The following FILIP1L variants were observed in gnomAD, a reference collection of about 807,000 sequenced individuals.
The protein encoded by FILIP1L is filamin A-interacting protein 1-like.
In FILIP1L, 55 loss-of-function variants were observed where a neutral mutation model predicts 96.6. The observed-to-expected ratio is 0.57, with a 90% CI of 0.46 to 0.71. The LOEUF (loss-of-function observed/expected upper bound fraction) is 0.71. Among genes scored for constraint, FILIP1L ranks in the 30% least tolerant of loss-of-function variants. The pLI is 0.00. For missense variants in FILIP1L, 1,304 were observed against 1,321.2 expected, an observed-to-expected ratio of 0.99 and a Z score of 0.20; for synonymous variants, 467 against 473.9, an observed-to-expected ratio of 0.99 and a Z score of 0.19.
rs114758127 is a variant in FILIP1L, at chr3:100,019,721, T to C, written c.-10-88691A>G. Among the ~76,000 whole-genome samples the C allele has an allele frequency of 4.2e-3, 646 of 152,348 alleles. 4 individuals are homozygous for C. The highest frequency in any genetic ancestry group is 0.014 in the African/African-American group (600 of 41,578). On this transcript the variant is annotated intron_variant, in intron 1 of 5. Coordinates refer to ENST00000477258, the MANE Select transcript of FILIP1L (RefSeq NM_001387850.1). ...ATGAATGTATGCTGATGTATGTTTG[T>C]GTAAGACTGCGATTCACATTCTACA...
At chr3:99,962,579 C>A (rs1708526135) in intron 1 of FILIP1L, among the ~76,000 whole-genome samples, 1 of 152,112 alleles carries the variant, frequency 6.6e-6, no homozygotes, top group Non-Finnish European at 1.5e-5. Context: ...ATTCTTATGA[C>A]TGTGAGAAAC....
chr3:100,071,025 A>C (rs1175037680), intron 1 of FILIP1L, among the ~76,000 whole-genome samples: 1 of 151,814 alleles, frequency 6.6e-6, no homozygotes, highest in African/African-American at 2.4e-5. Flanking sequence ...TATACAGAAA[A>C]AAATAAGCCA....
chr3:99,953,056 T>A (rs918423519), intron 1 of FILIP1L, among the ~76,000 whole-genome samples: 5 of 152,192 alleles, frequency 3.3e-5, no homozygotes, highest in African/African-American at 4.8e-5. Flanking sequence ...AGAACTTTTT[T>A]AAAAATTGTC....
intron 1 of FILIP1L, among the ~76,000 whole-genome samples, chr3:100,083,660 T>C (rs1576035876): frequency 6.6e-6 from 1 of 152,358 alleles, no homozygotes; most frequent in African/African-American, 2.4e-5. Flanking sequence ...TGTCATATTT[T>C]TTAAAGTGTT....
chr3:99,851,064 C>G lies in FILIP1L; in HGVS notation c.612G>C (p.Lys204Asn). ...ACTTGATTTCTTGATCAATTAGCTT[C>G]TTTAATCTGAAAAATGTAAAGTGCA... ...CLLEQECERL[K>N]KLIDQEIKSQ... The change falls in exon 5 of 6, where the codon AAG (lysine) becomes AAC (asparagine). Residue 204 changes from lysine (K) to asparagine (N), a missense_variant. Physicochemically the swap from Lys to Asn is moderately conservative, Grantham distance 94. Transcript: ENST00000477258. 1 of 1,577,098 alleles carries G rather than the reference C, an allele frequency of 6.3e-7. No homozygotes were observed. Among genetic ancestry groups the G allele is most frequent in the Non-Finnish European group, 8.6e-7 (1 of 1,168,032 alleles).
At chr3:100,011,293 G>A (rs763874380) in intron 1 of FILIP1L, among the ~76,000 whole-genome samples, 4 of 152,118 alleles carry the variant, frequency 2.6e-5, no homozygotes, top group East Asian at 1.9e-4. Context: ...AACTCGACAC[G>A]TGTTGATCTA....
intron 1 of FILIP1L, among the ~76,000 whole-genome samples, chr3:99,965,722 G>A (rs1708629635): frequency 6.6e-6 from 1 of 152,132 alleles, no homozygotes; most frequent in Admixed American, 6.5e-5. Context: ...GGCTTATTGG[G>A]GATTAAGGCC....
At chr3:100,054,370 G>A (rs4626129) in intron 1 of FILIP1L, among the ~76,000 whole-genome samples, 3 of 152,156 alleles carry the variant, frequency 2.0e-5, no homozygotes, top group Non-Finnish European at 4.4e-5. Flanking sequence ...GGAAAACCTA[G>A]GCCTACATTC....
At position 99,938,074 on chromosome 3, in the gene FILIP1L, T is replaced by TGC. The variant is rs57534383; in HGVS notation, c.-10-7046_-10-7045dup. On this transcript the variant is annotated intron_variant, in intron 1 of 5. Transcript: ENST00000477258. ...AAGTGTGTGTGTGTGTGTGTGTGTG[T>TGC]GCGCGCGCGCGCGCGCGTGCATGCA... Among the ~76,000 whole-genome samples, 495 of 85,258 alleles carry TGC rather than the reference T, an allele frequency of 5.8e-3. 2 individuals are homozygous for TGC. The highest frequency in any genetic ancestry group is 0.01 in the Admixed American group (89 of 8,636). The allele number at this position is 85,258 out of a possible 152,430, so 55.9% of individuals were successfully genotyped here.
chr3:100,109,881 A>C (rs984646341), intron 1 of FILIP1L: 1 of 150,418 alleles, frequency 6.6e-6, no homozygotes, highest in Non-Finnish European at 1.5e-5. Context: ...TGCAATCTGC[A>C]TCTGCAAATG....
chr3:99,935,869 G>A (rs908935071), intron 1 of FILIP1L, among the ~76,000 whole-genome samples: 9 of 152,238 alleles, frequency 5.9e-5, no homozygotes, highest in South Asian at 4.1e-4. Context: ...GTCCATGCAA[G>A]AGGACTAGAA....
intron 1 of FILIP1L, among the ~76,000 whole-genome samples, chr3:100,085,279 A>T (rs1243122471): frequency 6.6e-6 from 1 of 152,256 alleles, no homozygotes; most frequent in African/African-American, 2.4e-5. Flanking sequence ...TAGTGTGATT[A>T]TAAACTAGTT....
intron 1 of FILIP1L, among the ~76,000 whole-genome samples, chr3:100,065,293 T>C (rs1037986777): frequency 6.6e-5 from 10 of 152,216 alleles, no homozygotes; most frequent in African/African-American, 2.4e-4. Flanking sequence ...TTTCCTGCTA[T>C]AGTTTGAGAA....
At chr3:100,021,956 T>TGAGAGA (rs1271947896) in intron 1 of FILIP1L, among the ~76,000 whole-genome samples, 4 of 94,554 alleles carry the variant, frequency 4.2e-5, no homozygotes, top group Non-Finnish European at 7.1e-5. Flanking sequence ...TGTGTGTGTG[T>TGAGAGA]GTGTGAGAGA....
chr3:99,980,421 T>C (rs964956304), intron 1 of FILIP1L, among the ~76,000 whole-genome samples: 1 of 152,194 alleles, frequency 6.6e-6, no homozygotes, highest in Non-Finnish European at 1.5e-5. Flanking sequence ...GTTAGGTAAC[T>C]GCCCCATCAA....
intron 1 of FILIP1L, chr3:100,023,524 T>TAA (rs1049778607): frequency 6.6e-6 from 1 of 152,618 alleles, no homozygotes; most frequent in Non-Finnish European, 1.5e-5. Context: ...GAAAGAACTG[T>TAA]AAGTGGTATG....
chr3:100,005,679 C>T (rs1178677625), intron 1 of FILIP1L, among the ~76,000 whole-genome samples: 1 of 152,164 alleles, frequency 6.6e-6, no homozygotes, highest in Non-Finnish European at 1.5e-5. Context: ...CTCTTTGAAA[C>T]TCTTAGAGAA....
intron 4 of FILIP1L, among the ~76,000 whole-genome samples, chr3:99,914,591 A>G (rs1203731761): frequency 1.3e-5 from 2 of 152,230 alleles, no homozygotes; most frequent in Non-Finnish European, 2.9e-5. Context: ...GTTATAAAGT[A>G]AGAAATTGGT....
intron 4 of FILIP1L, among the ~76,000 whole-genome samples, chr3:99,859,327 T>TA: frequency 6.6e-6 from 1 of 152,232 alleles, no homozygotes; most frequent in Non-Finnish European, 1.5e-5. Flanking sequence ...TGATCATACT[T>TA]ACAGTATTCT....
Sources: allele counts gnomAD v4.1 joint callset (sites outside exome capture counted in the v4.1 genomes callset), GRCh38; gene constraint gnomAD v4.1.1; transcripts MANE v1.5; gene names NCBI Gene and HGNC (gene_info 2026-07-23, HGNC 2026-07-21).